MTDH: variants seen among roughly 807,000 people sequenced by gnomAD.
MTDH encodes the protein metadherin.
Under a neutral mutation model 72.7 loss-of-function variants are expected in MTDH, and 34 were observed. That is an observed-to-expected ratio of 0.47 (90% CI 0.36 to 0.62). The LOEUF (loss-of-function observed/expected upper bound fraction) is 0.62, where lower values mean the gene tolerates loss of function less well. Among genes scored for constraint, MTDH ranks in the 20% least tolerant of loss-of-function variants. MTDH has a pLI of 0.00. For synonymous variants in MTDH, 266 were observed against 268.9 expected (o/e 0.99, Z 0.10); for missense variants, 677 against 699.4 (o/e 0.97, Z 0.36).
intron 8 of MTDH, among the ~76,000 whole-genome samples, chr8:97,710,769 G>A (rs866858367): frequency 1.3e-5 from 2 of 151,602 alleles, no homozygotes; most frequent in Middle Eastern, 3.2e-3. Context: ...GGAGGCCGAG[G>A]CAAGTGGATC....
intron 1 of MTDH, among the ~76,000 whole-genome samples, chr8:97,656,544 G>A (rs1041441693): frequency 1.3e-5 from 2 of 151,050 alleles, no homozygotes; most frequent in Non-Finnish European, 3.0e-5. Flanking sequence ...CTCATGATCT[G>A]CCTGCCTCAG....
At chr8:97,706,808 A>C in intron 8 of MTDH, 58 bp downstream of exon 8, 1 of 1,551,712 alleles carries the variant, frequency 6.4e-7, no homozygotes, top group African/African-American at 1.4e-5. Context: ...GGCTGGGCAC[A>C]GTGGCTCACG....
intron 1 of MTDH, among the ~76,000 whole-genome samples, chr8:97,660,107 C>T (rs1052161312): frequency 3.3e-5 from 5 of 151,368 alleles, no homozygotes; most frequent in African/African-American, 7.3e-5. Flanking sequence ...TGCAGTGAGC[C>T]GAGATCACAC....
chr8:97,706,753 G>A lies in MTDH; in HGVS notation c.1272+3G>A. 6.2e-7 allele frequency: 1 copy of A among 1,610,596 alleles called. No individual in the cohort carries two copies. The highest frequency in any genetic ancestry group is 8.5e-7 in the Non-Finnish European group (1 of 1,178,714). ...AACCAATTCCTGATGATCAAAAGGTGAGTATAAGAGATTCCTGGGTGTTTA... is the reference window on the plus strand; with the variant it reads ...AACCAATTCCTGATGATCAAAAGGTAAGTATAAGAGATTCCTGGGTGTTTA... On this transcript the variant is annotated splice_donor_region_variant and intron_variant, in intron 8 of 11. Coordinates refer to ENST00000336273, the MANE Select transcript of MTDH (RefSeq NM_178812.4).
intron 2 of MTDH, among the ~76,000 whole-genome samples, chr8:97,675,582 A>G (rs1563537152): frequency 1.6e-5 from 2 of 124,516 alleles, no homozygotes; most frequent in Non-Finnish European, 3.4e-5. Flanking sequence ...AAAAAAAATT[A>G]CATTCAGGGC....
chr8:97,718,684 A>G (rs962762576), intron 9 of MTDH, among the ~76,000 whole-genome samples: 2 of 149,830 alleles, frequency 1.3e-5, no homozygotes, highest in African/African-American at 2.5e-5. Context: ...TGCCTGGCTA[A>G]TTTTTGTAGT....
intron 2 of MTDH, among the ~76,000 whole-genome samples, chr8:97,685,619 G>C (rs917390260): frequency 6.6e-6 from 1 of 151,946 alleles, no homozygotes; most frequent in Non-Finnish European, 1.5e-5. Context: ...AATTAGCCAG[G>C]CATGGTGGCA....
At chr8:97,644,951 G>T in intron 1 of MTDH, 64 bp downstream of exon 1, 1 of 1,460,418 alleles carries the variant, frequency 6.8e-7, no homozygotes, top group Non-Finnish European at 9.0e-7. Context: ...CCTCGAGCTT[G>T]GGGGAGGCCG....
At chr8:97,692,455 C>T (rs779807931) in intron 6 of MTDH, among the ~76,000 whole-genome samples, 50 of 152,074 alleles carry the variant, frequency 3.3e-4, no homozygotes, top group Admixed American at 1.5e-3. Context: ...TCACAACACC[C>T]TCTGCCTCCT....
At chr8:97,720,114 G>C (rs1188785259) in intron 10 of MTDH, among the ~76,000 whole-genome samples, 2 of 152,178 alleles carry the variant, frequency 1.3e-5, no homozygotes, top group East Asian at 3.9e-4. Context: ...GTGAAACCCT[G>C]TCTCTACTAA....
intron 2 of MTDH, among the ~76,000 whole-genome samples, chr8:97,674,637 A>G (rs1280511354): frequency 6.6e-6 from 1 of 152,220 alleles, no homozygotes; most frequent in South Asian, 2.1e-4. Flanking sequence ...AATTTTATCA[A>G]GTGCATTTTA....
At chr8:97,701,846 T>C (rs557196222) in intron 7 of MTDH, among the ~76,000 whole-genome samples, 1 of 152,260 alleles carries the variant, frequency 6.6e-6, no homozygotes, top group African/African-American at 2.4e-5. Context: ...AAATAAAAGA[T>C]TTTTAAAACA....
intron 8 of MTDH, among the ~76,000 whole-genome samples, chr8:97,712,157 C>CTA (rs1814665023): frequency 6.6e-6 from 1 of 152,168 alleles, no homozygotes; most frequent in East Asian, 1.9e-4. Context: ...CCCATCTCAG[C>CTA]CTCCTGAGTA....
chr8:97,682,212 G>A (rs1178602792), intron 2 of MTDH, among the ~76,000 whole-genome samples: 2 of 105,138 alleles, frequency 1.9e-5, no homozygotes, highest in Admixed American at 1.1e-4. Context: ...ATCGGGATGG[G>A]TGTTCTTGTT....
intron 2 of MTDH, among the ~76,000 whole-genome samples, chr8:97,680,604 A>G (rs1813030904): frequency 6.6e-6 from 1 of 152,222 alleles, no homozygotes. Flanking sequence ...TTTGTTGGTA[A>G]TATCTGTATT....
intron 6 of MTDH, 84 bp downstream of exon 6, chr8:97,691,272 T>C (rs897237184): frequency 1.0e-6 from 1 of 965,350 alleles, no homozygotes; most frequent in Non-Finnish European, 1.5e-6. Context: ...AAAAAAAAAC[T>C]ATGAATAGAA....
intron 8 of MTDH, among the ~76,000 whole-genome samples, chr8:97,713,120 T>G (rs542310571): frequency 1.2e-4 from 18 of 152,212 alleles, no homozygotes; most frequent in Non-Finnish European, 2.4e-4. Context: ...AGTCTCACTC[T>G]TTTGCCCAGG....
chr8:97,644,897 G>A lies in MTDH; in HGVS notation c.381+10G>A. On this transcript the variant is annotated intron_variant, in intron 1 of 11. Coordinates refer to ENST00000336273, the MANE Select transcript of MTDH (RefSeq NM_178812.4). The stretch of plus-strand genomic sequence containing the variant: ...GTCCGAGAAGCCCAAAGTGAGTATG[G>A]GATGAGCGGCAGTAGAGAACGGGCG... 6.5e-7 allele frequency: 1 copy of A among 1,534,114 alleles called. No homozygotes were observed. Among genetic ancestry groups the A allele is most frequent in the South Asian group, 1.3e-5 (1 of 79,734 alleles).
At chr8:97,709,597 C>T (rs1004041479) in intron 8 of MTDH, among the ~76,000 whole-genome samples, 1 of 152,172 alleles carries the variant, frequency 6.6e-6, no homozygotes, top group Non-Finnish European at 1.5e-5. Context: ...TGAACTAAAG[C>T]TACATTGTTA....
Sources: allele counts gnomAD v4.1 joint callset (sites outside exome capture counted in the v4.1 genomes callset), GRCh38; gene constraint gnomAD v4.1.1; transcripts MANE v1.5; gene names NCBI Gene and HGNC (gene_info 2026-07-23, HGNC 2026-07-21).